Variants in MTUS2 observed in about 807,000 individuals in gnomAD.
MTUS2 encodes the protein microtubule associated scaffold protein 2.
In MTUS2, 40 loss-of-function variants were observed where a neutral mutation model predicts 114.1. The observed-to-expected ratio is 0.35, with a 90% CI of 0.27 to 0.46. The LOEUF is 0.46. Ranked by LOEUF, MTUS2 falls within the 20% of genes least tolerant of loss-of-function variation. MTUS2 has a pLI of 1.00. For missense variants in MTUS2, 1,679 were observed against 1,705.4 expected, an observed-to-expected ratio of 0.98 and a Z score of 0.27; for synonymous variants, 688 against 672.0, an observed-to-expected ratio of 1.02 and a Z score of -0.37.
At chr13:29,042,488 T>G (rs1055756759) in intron 4 of MTUS2, among the ~76,000 whole-genome samples, 13 of 151,852 alleles carry the variant, frequency 8.6e-5, no homozygotes, top group African/African-American at 1.2e-4. Flanking sequence ...CATAGAATGA[T>G]TTAGGGAGGA....
intron 5 of MTUS2, among the ~76,000 whole-genome samples, chr13:29,280,820 T>A (rs1898237739): frequency 1.3e-5 from 2 of 152,188 alleles, no homozygotes; most frequent in South Asian, 4.1e-4. Flanking sequence ...TTAGAAAGAC[T>A]TACCCTTTAA....
chr13:29,441,303 A>T (rs1040933441), intron 9 of MTUS2, among the ~76,000 whole-genome samples: 7 of 152,152 alleles, frequency 4.6e-5, no homozygotes, highest in Non-Finnish European at 8.8e-5. Flanking sequence ...GGTCCATGGG[A>T]GCCATATGTG....
At chr13:28,957,835 A>T (rs567609892) in intron 2 of MTUS2, among the ~76,000 whole-genome samples, 1 of 152,344 alleles carries the variant, frequency 6.6e-6, no homozygotes, top group South Asian at 2.1e-4. Flanking sequence ...AGAAGCACAG[A>T]TGTGCATGAA....
At chr13:29,451,950 A>G (rs1018933843) in intron 9 of MTUS2, among the ~76,000 whole-genome samples, 5 of 152,202 alleles carry the variant, frequency 3.3e-5, no homozygotes, top group African/African-American at 4.8e-5. Flanking sequence ...TTCCTTGCAC[A>G]ATGGACCACT....
At chr13:28,945,526 G>A (rs1882480719) in intron 2 of MTUS2, among the ~76,000 whole-genome samples, 1 of 152,098 alleles carries the variant, frequency 6.6e-6, no homozygotes, top group Admixed American at 6.6e-5. Context: ...ACATCTGACT[G>A]GTGTAAGATG....
intron 3 of MTUS2, among the ~76,000 whole-genome samples, chr13:29,031,415 T>TAG (rs1454249812): frequency 6.6e-6 from 1 of 151,728 alleles, no homozygotes; most frequent in Non-Finnish European, 1.5e-5. Flanking sequence ...TCTATATATA[T>TAG]ATATAGAGAG....
intron 2 of MTUS2, among the ~76,000 whole-genome samples, chr13:28,916,606 G>A (rs975747593): frequency 1.3e-5 from 2 of 150,772 alleles, no homozygotes; most frequent in Non-Finnish European, 3.0e-5. Context: ...ACTGGCTTTT[G>A]TATGTTCATT....
intron 5 of MTUS2, among the ~76,000 whole-genome samples, chr13:29,112,746 G>A (rs1890930325): frequency 6.6e-6 from 1 of 152,160 alleles, no homozygotes; most frequent in South Asian, 2.1e-4. Context: ...ATATACAAGT[G>A]GAGGTACAGC....
intron 5 of MTUS2, among the ~76,000 whole-genome samples, chr13:29,162,924 G>T (rs1893160150): frequency 6.6e-6 from 1 of 152,164 alleles, no homozygotes; most frequent in Non-Finnish European, 1.5e-5. Context: ...ATGGGCAGTG[G>T]CCCCAAATGC....
chr13:29,437,662 A>G (rs1877512926), intron 8 of MTUS2, among the ~76,000 whole-genome samples: 2 of 152,186 alleles, frequency 1.3e-5, no homozygotes, highest in Non-Finnish European at 2.9e-5. Context: ...AACAGAGCAT[A>G]AGGCCAGGCA....
At chr13:29,225,141 C>T (rs113619844) in intron 5 of MTUS2, among the ~76,000 whole-genome samples, 4 of 152,346 alleles carry the variant, frequency 2.6e-5, no homozygotes, top group African/African-American at 4.8e-5. Context: ...CCAGTTCCTG[C>T]CTCCTGTAGG....
At chr13:29,019,834 G>A (rs1886219740) in intron 2 of MTUS2, among the ~76,000 whole-genome samples, 2 of 152,244 alleles carry the variant, frequency 1.3e-5, no homozygotes, top group Admixed American at 6.5e-5. Context: ...GTTCCCTGGT[G>A]CTACACGGTG....
intron 5 of MTUS2, among the ~76,000 whole-genome samples, chr13:29,197,281 T>C (rs1365652175): frequency 6.6e-6 from 1 of 152,186 alleles, no homozygotes; most frequent in African/African-American, 2.4e-5. Context: ...CCATGTGTTC[T>C]CATTATTCAA....
At chr13:29,445,928 T>C (rs1593452346) in intron 9 of MTUS2, among the ~76,000 whole-genome samples, 1 of 148,950 alleles carries the variant, frequency 6.7e-6, no homozygotes, top group Non-Finnish European at 1.5e-5. Context: ...AAAGAGAGAG[T>C]TTATATAATT....
intron 5 of MTUS2, among the ~76,000 whole-genome samples, chr13:29,198,752 G>T (rs1276678762): frequency 6.6e-6 from 1 of 152,106 alleles, no homozygotes; most frequent in East Asian, 1.9e-4. Context: ...TTGAGCAGTG[G>T]TTTGTAGTTC....
At chr13:28,910,123 CTCTT>C (rs1278268032) in intron 2 of MTUS2, among the ~76,000 whole-genome samples, 1 of 152,258 alleles carries the variant, frequency 6.6e-6, no homozygotes, top group African/African-American at 2.4e-5. Context: ...CTAGGTCCTA[CTCTT>C]TCTATTTTTA....
chr13:29,350,486 A>T (rs374864466), intron 7 of MTUS2, among the ~76,000 whole-genome samples: 45 of 151,024 alleles, frequency 3.0e-4, no homozygotes, highest in African/African-American at 1.1e-3. Flanking sequence ...TCTCTGACAT[A>T]CTCCTCTATG....
At chr13:28,936,413 C>T (rs1881901399) in intron 2 of MTUS2, among the ~76,000 whole-genome samples, 1 of 152,214 alleles carries the variant, frequency 6.6e-6, no homozygotes, top group Admixed American at 6.5e-5. Flanking sequence ...CCTTCAATTG[C>T]TCCTTATCTC....
At chr13:29,432,533 C>G (rs1877081321) in intron 8 of MTUS2, among the ~76,000 whole-genome samples, 1 of 152,174 alleles carries the variant, frequency 6.6e-6, no homozygotes. Context: ...AAAAGTCTAG[C>G]TCATAAGAAG....
Sources: allele counts gnomAD v4.1 joint callset (sites outside exome capture counted in the v4.1 genomes callset), GRCh38; gene constraint gnomAD v4.1.1; transcripts MANE v1.5; gene names NCBI Gene and HGNC (gene_info 2026-07-23, HGNC 2026-07-21).